Variants in GLRA1 observed in about 807,000 individuals in gnomAD.
GLRA1 encodes glycine receptor subunit alpha-1.
In GLRA1, 37 loss-of-function variants were observed where a neutral mutation model predicts 48.3. That is an observed-to-expected ratio of 0.77 (90% confidence interval 0.59 to 1.01). The LOEUF (loss-of-function observed/expected upper bound fraction) is 1.01, where lower values mean the gene tolerates loss of function less well. GLRA1 is among the 50% of genes least tolerant of loss of function. The pLI is 0.00. For missense variants in GLRA1, 427 were observed against 571.0 expected, an observed-to-expected ratio of 0.75 and a Z score of 2.57; for synonymous variants, 196 against 210.7, an observed-to-expected ratio of 0.93 and a Z score of 0.60.
At chr5:151,850,018 C>A in intron 7 of GLRA1, 1 of 1,603,264 alleles carries the variant, frequency 6.2e-7, no homozygotes. Flanking sequence ...CAATTTGAGG[C>A]ACACTTGTAA....
At chr5:151,919,246 T>C (rs555315658) in intron 1 of GLRA1, among the ~76,000 whole-genome samples, 12 of 152,344 alleles carry the variant, frequency 7.9e-5, no homozygotes, top group East Asian at 3.9e-4. Context: ...ATGAATGGTA[T>C]CTGGTAAACA....
Position 151,862,798 on chromosome 5 carries a change from A to G in GLRA1, c.253-2790T>C, listed in dbSNP as rs144995588. On this transcript the variant is annotated intron_variant, in intron 3 of 8. Coordinates refer to ENST00000274576, the MANE Select transcript of GLRA1 (RefSeq NM_000171.4). ...GCATGGTGAGTATCTTCTATAGAAT[A>G]TAGGTTAGGAATAGCTGTTCTAGTC... is the stretch of plus-strand genomic sequence containing the variant. 2.2e-4 allele frequency among the ~76,000 whole-genome samples: 33 copies of G among 152,326 alleles called. No homozygotes were observed. The East Asian group carries it at 6.2e-3, about 28-fold the overall frequency.
At chr5:151,914,277 G>T (rs1192744447) in intron 1 of GLRA1, among the ~76,000 whole-genome samples, 1 of 152,224 alleles carries the variant, frequency 6.6e-6, no homozygotes, top group East Asian at 1.9e-4. Flanking sequence ...GCCATGTCAG[G>T]GGTGATGCTG....
chr5:151,849,459 C>T (rs868809077), intron 7 of GLRA1, among the ~76,000 whole-genome samples: 15 of 14,186 alleles, frequency 1.1e-3, no homozygotes, highest in East Asian at 6.0e-3. Flanking sequence ...TCCTTTCCTT[C>T]CTTCCTTCCT....
At chr5:151,912,127 A>AT (rs1326166086) in intron 1 of GLRA1, among the ~76,000 whole-genome samples, 3 of 151,456 alleles carry the variant, frequency 2.0e-5, no homozygotes, top group South Asian at 2.1e-4. Flanking sequence ...GGAGCATTAC[A>AT]TTTTTTTCTG....
chr5:151,841,052 C>T (rs1039054636), intron 7 of GLRA1, among the ~76,000 whole-genome samples: 14 of 152,142 alleles, frequency 9.2e-5, no homozygotes, highest in African/African-American at 3.4e-4. Flanking sequence ...CTATAGAACA[C>T]TCCACACAGT....
chr5:151,868,597 G>A (rs1338142750), intron 3 of GLRA1, among the ~76,000 whole-genome samples: 1 of 152,180 alleles, frequency 6.6e-6, no homozygotes, highest in African/African-American at 2.4e-5. Flanking sequence ...TGATATCCCA[G>A]ATATGAATTG....
chr5:151,886,194 T>A (rs1248323560), intron 3 of GLRA1, among the ~76,000 whole-genome samples: 1 of 152,174 alleles, frequency 6.6e-6, no homozygotes, highest in Non-Finnish European at 1.5e-5. Context: ...AAAATAAAAA[T>A]TATTCATAAC....
At chr5:151,858,326 G>T (rs1348217841) in intron 4 of GLRA1, among the ~76,000 whole-genome samples, 1 of 152,208 alleles carries the variant, frequency 6.6e-6, no homozygotes, top group African/African-American at 2.4e-5. Context: ...AATTTCTGCA[G>T]ATAAAAGCTC....
At position 151,889,371 on chromosome 5, in the gene GLRA1, G is replaced by C. The variant is rs78129238; in HGVS notation, c.185-2583C>G. On this transcript the variant is annotated intron_variant, in intron 2 of 8. Transcript: ENST00000274576. ...GTCATAAAGAAGACACAGAATAACAGAGCTGGAATGGCCTAGTCCTGCTGG... is the reference window on the plus strand; with the variant it reads ...GTCATAAAGAAGACACAGAATAACACAGCTGGAATGGCCTAGTCCTGCTGG... 5.9e-3 allele frequency among the ~76,000 whole-genome samples: 906 copies of C among 152,314 alleles called. 7 individuals carry two copies. Among genetic ancestry groups the C allele is most frequent in the Middle Eastern group, 0.014 (4 of 294 alleles).
At chr5:151,921,341 C>T (rs6896029) in intron 1 of GLRA1, among the ~76,000 whole-genome samples, 66 of 152,288 alleles carry the variant, frequency 4.3e-4, no homozygotes, top group African/African-American at 1.6e-3. Context: ...TTTGGTCATT[C>T]TGTACTGTGG....
At chr5:151,886,944 C>T (rs1753923659) in intron 2 of GLRA1, among the ~76,000 whole-genome samples, 156 bp from the exon 3 acceptor site, 1 of 152,172 alleles carries the variant, frequency 6.6e-6, no homozygotes, top group African/African-American at 2.4e-5. Context: ...CTGGGATTCC[C>T]AGCCACCATT....
At chr5:151,847,018 G>A (rs1383405009) in intron 7 of GLRA1, among the ~76,000 whole-genome samples, 1 of 152,084 alleles carries the variant, frequency 6.6e-6, no homozygotes, top group Non-Finnish European at 1.5e-5. Flanking sequence ...TTATCCATCT[G>A]TCTACCTAAA....
intron 6 of GLRA1, among the ~76,000 whole-genome samples, chr5:151,853,502 C>T (rs62394146): frequency 0.19 from 29,312 of 151,548 alleles, 3,526 homozygotes; most frequent in South Asian, 0.31. Context: ...GTCATCCACC[C>T]GCCTTGACCT....
rs1185232460 is a variant in GLRA1, at chr5:151,874,104, A to G, written c.252+12617T>C. Reference sequence around the variant, plus strand: ...AGGGAGAGCCGATCTCAATTATGTGAAGGGTTGTCAGTTGATTTGGTTGAT... The same window carrying G: ...AGGGAGAGCCGATCTCAATTATGTGGAGGGTTGTCAGTTGATTTGGTTGAT... On this transcript the variant is annotated intron_variant, in intron 3 of 8. Coordinates refer to ENST00000274576, the MANE Select transcript of GLRA1 (RefSeq NM_000171.4). Among the ~76,000 whole-genome samples, 7 of 152,096 alleles carry G rather than the reference A, an allele frequency of 4.6e-5. No individual in the cohort carries two copies. The East Asian group carries it at 1.4e-3, about 29-fold the overall frequency.
intron 3 of GLRA1, among the ~76,000 whole-genome samples, chr5:151,867,115 A>G (rs1476537777): frequency 6.6e-6 from 1 of 152,012 alleles, no homozygotes; most frequent in Non-Finnish European, 1.5e-5. Context: ...TGTCTCAAAA[A>G]TAAATACATA....
chr5:151,855,023 G>A lies in GLRA1; in HGVS notation c.697+17C>T, dbSNP rs1392666059. The A allele has an allele frequency of 3.7e-6, 6 of 1,613,312 alleles. No homozygotes were observed. In the Admixed American group the frequency reaches 5.0e-5, roughly 13 times the overall value. ...GGTTGGGGGGTGGGATCTGAGGAGG[G>A]TGGCCCTTGTACCTACCTGTGTTGT... On this transcript the variant is annotated intron_variant, in intron 6 of 8. Transcript: ENST00000274576.
intron 7 of GLRA1, among the ~76,000 whole-genome samples, chr5:151,839,240 A>T (rs1038047360): frequency 1.3e-5 from 2 of 152,242 alleles, no homozygotes; most frequent in Admixed American, 1.3e-4. Flanking sequence ...AAGAAATACT[A>T]AAGGACGCCC....
chr5:151,838,424 G>GT (rs1763628267), intron 7 of GLRA1, among the ~76,000 whole-genome samples: 1 of 152,098 alleles, frequency 6.6e-6, no homozygotes. Flanking sequence ...AGCCGAGATC[G>GT]TATCACCGCA....
Sources: gnomAD v4.1 joint callset for allele counts (sites outside exome capture counted in the v4.1 genomes callset) on GRCh38, gnomAD v4.1.1 for gene constraint, MANE v1.5 for transcripts, NCBI Gene and HGNC (gene_info 2026-07-23, HGNC 2026-07-21) for gene names.